The following LRRC7 variants were observed in gnomAD, a reference collection of about 807,000 sequenced individuals.
The protein encoded by LRRC7 is leucine rich repeat containing 7.
Under a neutral mutation model 175.7 loss-of-function variants are expected in LRRC7, and 23 were observed. The observed-to-expected ratio is 0.13, with a 90% CI of 0.09 to 0.19. The LOEUF (loss-of-function observed/expected upper bound fraction) is 0.19. Ranked by LOEUF, LRRC7 falls within the 10% of genes least tolerant of loss-of-function variation. The pLI is 1.00. For synonymous variants in LRRC7, 685 were observed against 680.9 expected, an observed-to-expected ratio of 1.01 and a Z score of -0.09; for missense variants, 1,354 against 1,904.7, an observed-to-expected ratio of 0.71 and a Z score of 5.38.
chr1:69,919,893 T>A (rs1253730025), intron 7 of LRRC7: 1 of 661,816 alleles, frequency 1.5e-6, no homozygotes, highest in African/African-American at 1.8e-5. Context: ...TGCTGGCCAG[T>A]GGCCGAACCC....
intron 1 of LRRC7, among the ~76,000 whole-genome samples, chr1:69,616,100 G>A (rs751813808): frequency 3.3e-5 from 5 of 152,038 alleles, no homozygotes; most frequent in Non-Finnish European, 5.9e-5. Context: ...TGTCATGTTA[G>A]CATTGTGAAG....
chr1:70,106,382 T>A (rs1665145381), intron 25 of LRRC7, among the ~76,000 whole-genome samples: 1 of 152,208 alleles, frequency 6.6e-6, no homozygotes, highest in African/African-American at 2.4e-5. Context: ...TAAATGGAAT[T>A]GTATAATATT....
intron 11 of LRRC7, among the ~76,000 whole-genome samples, chr1:70,009,618 G>A (rs1656314581): frequency 6.6e-6 from 1 of 152,106 alleles, no homozygotes. Flanking sequence ...TCATTTTAGA[G>A]CCACTGCATG....
At chr1:69,950,317 A>C (rs1400097518) in intron 8 of LRRC7, among the ~76,000 whole-genome samples, 3 of 152,080 alleles carry the variant, frequency 2.0e-5, no homozygotes, top group Non-Finnish European at 4.4e-5. Context: ...GTAAAGAAAT[A>C]ATTGAAAGGT....
intron 26 of LRRC7, among the ~76,000 whole-genome samples, chr1:70,109,314 G>A (rs1029830932): frequency 5.3e-5 from 8 of 152,076 alleles, no homozygotes; most frequent in Non-Finnish European, 8.8e-5. Context: ...GAGCCACTGC[G>A]CCCGGCCTCT....
intron 7 of LRRC7, among the ~76,000 whole-genome samples, chr1:69,871,691 C>A (rs1213569826): frequency 6.6e-6 from 1 of 151,812 alleles, no homozygotes; most frequent in Non-Finnish European, 1.5e-5. Context: ...CTGTAAACAC[C>A]TCTTTTAAAT....
intron 11 of LRRC7, among the ~76,000 whole-genome samples, chr1:70,007,135 C>G (rs1010355766): frequency 1.4e-4 from 21 of 152,082 alleles, no homozygotes; most frequent in African/African-American, 5.1e-4. Flanking sequence ...GGGGTGAGAC[C>G]GAAACTTCCA....
At chr1:69,889,259 G>T (rs1645757107) in intron 7 of LRRC7, among the ~76,000 whole-genome samples, 1 of 152,076 alleles carries the variant, frequency 6.6e-6, no homozygotes, top group African/African-American at 2.4e-5. Context: ...AATGAAGTTT[G>T]CTGCATTGAT....
At chr1:69,915,178 T>C (rs1646649408) in intron 7 of LRRC7, among the ~76,000 whole-genome samples, 1 of 152,080 alleles carries the variant, frequency 6.6e-6, no homozygotes, top group Admixed American at 6.5e-5. Context: ...ACATCATCTT[T>C]AAGGGGAATG....
chr1:69,596,906 C>A (rs1380675847), intron 1 of LRRC7, among the ~76,000 whole-genome samples: 6 of 152,192 alleles, frequency 3.9e-5, no homozygotes, highest in Admixed American at 1.3e-4. Context: ...GTACATAGAG[C>A]TAATTTCAGT....
intron 9 of LRRC7, among the ~76,000 whole-genome samples, chr1:69,982,226 A>C (rs1653508541): frequency 3.9e-5 from 6 of 152,230 alleles, no homozygotes; most frequent in African/African-American, 1.4e-4. Context: ...TCGAGAGTAG[A>C]TGTTTCATAT....
At chr1:69,632,730 C>T (rs1460554233) in intron 1 of LRRC7, among the ~76,000 whole-genome samples, 2 of 151,974 alleles carry the variant, frequency 1.3e-5, no homozygotes, top group Non-Finnish European at 2.9e-5. Context: ...CAAGCAAGTA[C>T]CGAATTTATC....
chr1:69,795,076 A>G (rs1000590579), intron 4 of LRRC7, among the ~76,000 whole-genome samples: 5 of 152,202 alleles, frequency 3.3e-5, no homozygotes, highest in Non-Finnish European at 7.3e-5. Flanking sequence ...CATTTCAGAA[A>G]GCCATACCTA....
At chr1:69,910,638 C>T (rs1031924829) in intron 7 of LRRC7, among the ~76,000 whole-genome samples, 9 of 152,198 alleles carry the variant, frequency 5.9e-5, no homozygotes, top group African/African-American at 1.4e-4. Context: ...AGTTAGGCTG[C>T]TCGGGGGTCA....
chr1:69,775,309 T>A (rs1432812299), intron 3 of LRRC7, among the ~76,000 whole-genome samples: 1 of 152,242 alleles, frequency 6.6e-6, no homozygotes, highest in Non-Finnish European at 1.5e-5. Flanking sequence ...GTTACTTGGT[T>A]ATTGAATGTT....
At chr1:69,910,289 GCT>G (rs1646481670) in intron 7 of LRRC7, among the ~76,000 whole-genome samples, 1 of 152,170 alleles carries the variant, frequency 6.6e-6, no homozygotes, top group South Asian at 2.1e-4. Context: ...CAGTTTTTCT[GCT>G]CTGTTTTTTC....
At chr1:69,855,050 A>G (rs891467013) in intron 7 of LRRC7, among the ~76,000 whole-genome samples, 15 of 152,326 alleles carry the variant, frequency 9.8e-5, no homozygotes, top group Middle Eastern at 3.4e-3. Flanking sequence ...TATGAATTAT[A>G]CCCAATATTT....
intron 7 of LRRC7, chr1:69,875,024 G>T (rs1307524892): frequency 6.6e-6 from 1 of 152,038 alleles, no homozygotes; most frequent in Admixed American, 6.6e-5. Flanking sequence ...AGAATAAGTT[G>T]CACTATCTTA....
chr1:70,111,203 C>T (rs866997067), intron 26 of LRRC7, among the ~76,000 whole-genome samples: 2 of 152,122 alleles, frequency 1.3e-5, no homozygotes, highest in Non-Finnish European at 2.9e-5. Flanking sequence ...TTTATTAGAT[C>T]TCTTTCTTTC....
Sources: allele counts gnomAD v4.1 joint callset (sites outside exome capture counted in the v4.1 genomes callset), GRCh38; gene constraint gnomAD v4.1.1; transcripts MANE v1.5; gene names NCBI Gene and HGNC (gene_info 2026-07-23, HGNC 2026-07-21).